The following RBFOX1 variants were observed in gnomAD, a reference collection of about 807,000 sequenced individuals.
The protein encoded by RBFOX1 is RNA binding fox-1 homolog 1, also known as RNA binding protein fox-1 homolog 1.
Under a neutral mutation model 57.7 loss-of-function variants are expected in RBFOX1, and 8 were observed. That is an observed-to-expected ratio of 0.14 (90% confidence interval 0.08 to 0.25). The LOEUF (loss-of-function observed/expected upper bound fraction) is 0.25, where lower values mean the gene tolerates loss of function less well. Ranked by LOEUF, RBFOX1 falls within the 10% of genes least tolerant of loss-of-function variation. The probability of loss-of-function intolerance (pLI) is 1.00; values close to 1 mark genes in which losing one functional copy is unlikely to be tolerated. For missense variants in RBFOX1, 611 were observed against 548.5 expected, an observed-to-expected ratio of 1.11 and a Z score of -1.14; for synonymous variants, 326 against 222.4, an observed-to-expected ratio of 1.47 and a Z score of -4.15.
At chr16:7,173,411 G>A (rs370581430) in intron 4 of RBFOX1, among the ~76,000 whole-genome samples, 164 of 152,188 alleles carry the variant, frequency 1.1e-3, no homozygotes, top group African/African-American at 3.4e-3. Context: ...CAGGGTATAC[G>A]TATATATCTG....
intron 1 of RBFOX1, chr16:5,365,904 GA>G: frequency 4.0e-6 from 2 of 500,796 alleles, no homozygotes; most frequent in South Asian, 1.5e-5. Flanking sequence ...GGATAATGAT[GA>G]AAAGGAGCAC....
chr16:7,033,425 C>T (rs2043333636), intron 3 of RBFOX1, among the ~76,000 whole-genome samples: 1 of 152,130 alleles, frequency 6.6e-6, no homozygotes, highest in South Asian at 2.1e-4. Context: ...GAGGCTGAGG[C>T]AGGAGATTCG....
At chr16:6,923,532 C>T (rs527616469) in intron 3 of RBFOX1, among the ~76,000 whole-genome samples, 225 of 151,692 alleles carry the variant, frequency 1.5e-3, no homozygotes, top group Non-Finnish European at 2.1e-3. Flanking sequence ...GACTCCATCT[C>T]AAAAATAAAT....
chr16:6,941,304 TTCCTTCCTTCCTTCCTTCCTTCCTTCC>T, intron 3 of RBFOX1, among the ~76,000 whole-genome samples: 1 of 29,620 alleles, frequency 3.4e-5, no homozygotes, highest in African/African-American at 1.1e-4. Flanking sequence ...CCCTCCCTCC[TTCCTTCCTTCCTTCCTTCCTTCCTTCC>T]TTCCTTCCTT....
chr16:6,899,512 G>C (rs1418904470), intron 3 of RBFOX1, among the ~76,000 whole-genome samples: 1 of 152,110 alleles, frequency 6.6e-6, no homozygotes, highest in Admixed American at 6.5e-5. Flanking sequence ...ATCTTGAGTG[G>C]AAAGGAATGA....
At chr16:6,638,349 A>C (rs1380613591) in intron 2 of RBFOX1, among the ~76,000 whole-genome samples, 1 of 152,174 alleles carries the variant, frequency 6.6e-6, no homozygotes, top group Non-Finnish European at 1.5e-5. Flanking sequence ...ATGGCAAAAG[A>C]ACATACATGT....
At chr16:7,444,728 C>G (rs1482016192) in intron 4 of RBFOX1, among the ~76,000 whole-genome samples, 2 of 152,078 alleles carry the variant, frequency 1.3e-5, no homozygotes, top group East Asian at 3.9e-4. Flanking sequence ...GGTGAGGGCT[C>G]CCTACGTTGC....
chr16:6,504,675 C>T (rs1055692890), intron 2 of RBFOX1, among the ~76,000 whole-genome samples: 5 of 152,154 alleles, frequency 3.3e-5, no homozygotes, highest in Non-Finnish European at 2.9e-5. Flanking sequence ...TTTCCAAAAG[C>T]TCCTTGTACA....
At chr16:7,491,535 C>A (rs1466892869) in intron 4 of RBFOX1, among the ~76,000 whole-genome samples, 1 of 151,636 alleles carries the variant, frequency 6.6e-6, no homozygotes, top group Non-Finnish European at 1.5e-5. Context: ...CCCTGCTGAT[C>A]TTTGGGCTGG....
chr16:6,775,381 C>A (rs938039896), intron 3 of RBFOX1, among the ~76,000 whole-genome samples: 1 of 147,804 alleles, frequency 6.8e-6, no homozygotes, highest in Admixed American at 6.7e-5. Context: ...AACAGACACA[C>A]CCAACTGTTA....
At chr16:6,485,303 A>G (rs1175055084) in intron 2 of RBFOX1, among the ~76,000 whole-genome samples, 3 of 152,166 alleles carry the variant, frequency 2.0e-5, no homozygotes, top group African/African-American at 7.2e-5. Context: ...AATCTGAGGA[A>G]TGAGGTAGGG....
At chr16:7,069,356 G>T (rs562460070) in intron 4 of RBFOX1, among the ~76,000 whole-genome samples, 7 of 152,146 alleles carry the variant, frequency 4.6e-5, no homozygotes, top group Non-Finnish European at 7.4e-5. Context: ...CCTCCCATCA[G>T]TCTCCCCAAA....
intron 2 of RBFOX1, among the ~76,000 whole-genome samples, chr16:6,649,106 C>T (rs1051548069): frequency 6.6e-6 from 1 of 152,196 alleles, no homozygotes; most frequent in Non-Finnish European, 1.5e-5. Flanking sequence ...CCCCAGCAAA[C>T]CCCCTGGTAG....
chr16:7,350,982 G>T (rs74010649), intron 4 of RBFOX1, among the ~76,000 whole-genome samples: 24,947 of 152,194 alleles, frequency 0.16, 3,059 homozygotes, highest in African/African-American at 0.35. Flanking sequence ...TATTAAGTCT[G>T]GCTCTATCAA....
intron 3 of RBFOX1, chr16:6,775,790 G>T (rs1048955953): frequency 6.6e-6 from 1 of 152,194 alleles, no homozygotes; most frequent in African/African-American, 2.4e-5. Flanking sequence ...GAACAAATGC[G>T]TGAACCACAG....
chr16:7,161,802 G>A (rs2078383422), intron 4 of RBFOX1, among the ~76,000 whole-genome samples: 1 of 152,164 alleles, frequency 6.6e-6, no homozygotes, highest in Non-Finnish European at 1.5e-5. Flanking sequence ...CACAAGCACT[G>A]GATGTTTAGA....
chr16:7,617,305 G>A (rs1231831807), intron 10 of RBFOX1, among the ~76,000 whole-genome samples: 1 of 152,112 alleles, frequency 6.6e-6, no homozygotes, highest in African/African-American at 2.4e-5. Flanking sequence ...GGGCATGATT[G>A]TTTTCCAGTA....
chr16:7,034,835 T>TTTTC (rs2043846508), intron 3 of RBFOX1, among the ~76,000 whole-genome samples: 2 of 85,994 alleles, frequency 2.3e-5, no homozygotes, highest in South Asian at 5.0e-4. Flanking sequence ...TACTTTTTTT[T>TTTTC]TTTTTCTTTT....
chr16:7,510,213 C>T (rs2074646583), intron 4 of RBFOX1: 4 of 985,892 alleles, frequency 4.1e-6, no homozygotes, highest in South Asian at 9.4e-5. Context: ...CGCACACCCT[C>T]GCTCGTAATT....
Sources: gnomAD v4.1 joint callset for allele counts (sites outside exome capture counted in the v4.1 genomes callset) on GRCh38, gnomAD v4.1.1 for gene constraint, MANE v1.5 for transcripts, NCBI Gene and HGNC (gene_info 2026-07-23, HGNC 2026-07-21) for gene names.